Variants in ATP13A3 observed in about 807,000 individuals in gnomAD.
ATP13A3 encodes the protein polyamine-transporting ATPase 13A3.
In ATP13A3, 59 loss-of-function variants were observed where a neutral mutation model predicts 158.1. That is an observed-to-expected ratio of 0.37 (90% CI 0.30 to 0.46). ATP13A3 has a LOEUF of 0.46. Among genes scored for constraint, ATP13A3 ranks in the 20% least tolerant of loss-of-function variants. The probability of loss-of-function intolerance (pLI) is 1.00; values close to 1 mark genes in which losing one functional copy is unlikely to be tolerated. For synonymous variants in ATP13A3, 491 were observed against 504.3 expected (o/e 0.97, Z 0.35); for missense variants, 1,166 against 1,525.2 (o/e 0.76, Z 3.92).
At chr3:194,432,921 T>C (rs1423913248) in intron 21 of ATP13A3, among the ~76,000 whole-genome samples, 1 of 151,908 alleles carries the variant, frequency 6.6e-6, no homozygotes. Flanking sequence ...ATCCCTTAGA[T>C]GTACTAGAAA....
intron 2 of ATP13A3, among the ~76,000 whole-genome samples, chr3:194,479,828 G>T (rs1288000279): frequency 6.6e-6 from 1 of 151,966 alleles, no homozygotes; most frequent in Non-Finnish European, 1.5e-5. Context: ...GAGACATTGG[G>T]TAACAGTAAC....
intron 33 of ATP13A3, among the ~76,000 whole-genome samples, chr3:194,411,928 A>T (rs1263056616): frequency 2.6e-5 from 4 of 152,168 alleles, no homozygotes; most frequent in Admixed American, 2.6e-4. Flanking sequence ...ACTTTTACAC[A>T]AATAGAAGAT....
At chr3:194,446,578 T>G (rs761968688) in intron 14 of ATP13A3, among the ~76,000 whole-genome samples, 18 of 152,246 alleles carry the variant, frequency 1.2e-4, no homozygotes, top group Non-Finnish European at 2.5e-4. Context: ...TCATATTTAT[T>G]TCAATGATTA....
intron 2 of ATP13A3, among the ~76,000 whole-genome samples, chr3:194,462,749 G>A (rs575049517): frequency 6.6e-6 from 1 of 152,274 alleles, no homozygotes; most frequent in Non-Finnish European, 1.5e-5. Context: ...AACTTTAGAT[G>A]ACCCTTAAGT....
chr3:194,458,149 T>C (rs1304067877), intron 6 of ATP13A3, among the ~76,000 whole-genome samples: 2 of 152,158 alleles, frequency 1.3e-5, no homozygotes, highest in Non-Finnish European at 2.9e-5. Flanking sequence ...GTCTTACATA[T>C]ACTTAATTCC....
chr3:194,412,530 T>C (rs1406898906), intron 32 of ATP13A3: 1 of 476,276 alleles, frequency 2.1e-6, no homozygotes, highest in East Asian at 3.8e-5. Context: ...AATATGGCTT[T>C]TGTATAAATA....
At chr3:194,441,502 G>T in intron 15 of ATP13A3, 41 bp from the exon 16 acceptor site, 1 of 1,554,246 alleles carries the variant, frequency 6.4e-7, no homozygotes, top group Non-Finnish European at 8.8e-7. Context: ...TAAATTCTAA[G>T]ATTCAAGATA....
upstream of ATP13A3, among the ~76,000 whole-genome samples, chr3:194,490,488 C>T (rs1370708511): frequency 6.6e-6 from 1 of 152,248 alleles, no homozygotes; most frequent in Admixed American, 6.5e-5. This position sits in a 1 kb window ranked among gnomAD's most constrained non-coding sequence, Gnocchi z 4.4. Flanking sequence ...CTCCCTGTTT[C>T]TCTTTGTCTA....
At chr3:194,449,163 A>C (rs1718624207) in intron 11 of ATP13A3, among the ~76,000 whole-genome samples, 1 of 152,196 alleles carries the variant, frequency 6.6e-6, no homozygotes, top group Admixed American at 6.5e-5. Context: ...AAACAACCAC[A>C]AACAGCCAAA....
At chr3:194,435,483 G>A (rs900624056) in intron 20 of ATP13A3, among the ~76,000 whole-genome samples, 1 of 152,098 alleles carries the variant, frequency 6.6e-6, no homozygotes, top group Admixed American at 6.5e-5. Flanking sequence ...AAACACAGAG[G>A]TCTCGGTGGA....
In ATP13A3 at chr3:194,403,109, C is replaced by G. The variant is rs80136368; in HGVS notation, c.*2810G>C. 6.6e-6 allele frequency: 1 copy of G among 152,176 alleles called. No individual in the cohort carries two copies. Among genetic ancestry groups the G allele is most frequent in the Admixed American group, 6.5e-5 (1 of 15,274 alleles). The allele number at this position is 152,176 out of a possible 1,614,324, so 9.4% of individuals were successfully genotyped here. ...TCTAAAGCTTGAATTTTGCTCTTCA[C>G]TGGATAATGTTATCTATAGCTGTTT... On this transcript the variant is annotated 3_prime_UTR_variant, in exon 34 of 34. Transcript: ENST00000645319.
rs541450975 is a variant in ATP13A3, at chr3:194,454,194, A to G, written c.765+64T>C. The G allele has an allele frequency of 2.1e-5, 30 of 1,448,286 alleles. No homozygotes were observed. In the African/African-American group the frequency reaches 4.0e-4, roughly 19 times the overall value. 89.7% of individuals were successfully genotyped at this position (1,448,286 alleles called of 1,614,324 possible). ...TACTTTGTGCTGAGTACTATTCTAC[A>G]CACATTAGATGTTACTACAAAATAC... On this transcript the variant is annotated intron_variant, in intron 9 of 33. Coordinates refer to ENST00000645319, the MANE Select transcript of ATP13A3 (RefSeq NM_001367549.1).
intron 2 of ATP13A3, among the ~76,000 whole-genome samples, chr3:194,483,426 C>CAAAAAAAAAAAAAA (rs1228588078): frequency 9.6e-4 from 115 of 120,340 alleles, no homozygotes; most frequent in Non-Finnish European, 1.3e-3. Flanking sequence ...CCCACCTCTA[C>CAAAAAAAAAAAAAA]AAAAAAAAAA....
chr3:194,448,242 T>C lies in ATP13A3; in HGVS notation c.1150+215A>G, dbSNP rs1173258634. On this transcript the variant is annotated intron_variant, in intron 12 of 33. Transcript: ENST00000645319. This position sits in a 1 kb window ranked among gnomAD's most constrained non-coding sequence, Gnocchi z 4.0. ...GCAGGCGCCCGCCACCAGGCCCGGCTAATTTTTTTGTAATTTTGGTAGAGA... is the reference window on the plus strand; with the variant it reads ...GCAGGCGCCCGCCACCAGGCCCGGCCAATTTTTTTGTAATTTTGGTAGAGA... Among the ~76,000 whole-genome samples the C allele has an allele frequency of 6.6e-6, 1 of 152,112 alleles. No individual in the cohort carries two copies. Among genetic ancestry groups the C allele is most frequent in the Non-Finnish European group, 1.5e-5 (1 of 68,024 alleles).
rs578154160 is a variant in ATP13A3, at chr3:194,427,995, C to T, written c.2948-743G>A. ...CAGCAATTTGGGAGGCCGAGGCGGGCGGACCACTTGAGGTCAGGAGTTAGA... is the reference window on the plus strand; with the variant it reads ...CAGCAATTTGGGAGGCCGAGGCGGGTGGACCACTTGAGGTCAGGAGTTAGA... On this transcript the variant is annotated intron_variant, in intron 28 of 33. Transcript: ENST00000645319. Among the ~76,000 whole-genome samples the T allele has an allele frequency of 5.7e-4, 86 of 152,018 alleles. 2 individuals are homozygous for T. The highest frequency in any genetic ancestry group is 5.3e-3 in the Admixed American group (81 of 15,272).
chr3:194,418,924 C>T (rs1177031867), intron 31 of ATP13A3, among the ~76,000 whole-genome samples: 3 of 152,192 alleles, frequency 2.0e-5, no homozygotes, highest in Non-Finnish European at 4.4e-5. Context: ...AAATTCTCTA[C>T]AGCATCGCAC....
intron 33 of ATP13A3, among the ~76,000 whole-genome samples, chr3:194,406,889 G>A (rs1288310803): frequency 1.3e-5 from 2 of 152,128 alleles, no homozygotes; most frequent in South Asian, 2.1e-4. Flanking sequence ...GGTTTCCGTC[G>A]GTGCTCCACG....
intron 31 of ATP13A3, among the ~76,000 whole-genome samples, chr3:194,415,661 CTTTTTTTTTT>C (rs751005733): frequency 6.6e-5 from 6 of 90,928 alleles, no homozygotes; most frequent in East Asian, 6.4e-4. Context: ...ATACCACATT[CTTTTTTTTTT>C]TTTTTTTTTT....
At chr3:194,411,236 A>ACT (rs1715405886) in intron 33 of ATP13A3, among the ~76,000 whole-genome samples, 1 of 152,120 alleles carries the variant, frequency 6.6e-6, no homozygotes, top group Non-Finnish European at 1.5e-5. Flanking sequence ...CACTTAGGTA[A>ACT]AAGTTGGCTA....
Sources: gnomAD v4.1 joint callset for allele counts (sites outside exome capture counted in the v4.1 genomes callset) on GRCh38, gnomAD v4.1.1 for gene constraint, Gnocchi (gnomAD v3.1) non-coding constraint, MANE v1.5 for transcripts, NCBI Gene and HGNC (gene_info 2026-07-23, HGNC 2026-07-21) for gene names.